Variants in VPS51 observed in about 807,000 individuals in gnomAD.
VPS51 encodes the protein vacuolar protein sorting-associated protein 51 homolog.
A neutral mutation model predicts 65.1 loss-of-function variants in VPS51; 55 were observed. The observed-to-expected ratio is 0.84, with a 90% CI of 0.68 to 1.06. The LOEUF (loss-of-function observed/expected upper bound fraction) is 1.06, where lower values mean the gene tolerates loss of function less well. Among genes scored for constraint, VPS51 ranks in the 50% least tolerant of loss-of-function variants. VPS51 has a pLI of 0.00. For synonymous variants in VPS51, 473 were observed against 489.5 expected (o/e 0.97, Z 0.44); for missense variants, 943 against 1,101.6 (o/e 0.86, Z 2.04).
intron 2 of VPS51, chr11:65,105,431 ATATGGAAAGGTTTGTATATATTT>A (rs1363970061): frequency 6.6e-6 from 1 of 151,766 alleles, no homozygotes; most frequent in Non-Finnish European, 1.5e-5. Flanking sequence ...GTGATCTACC[ATATGGAAAGGTTTGTATATATTT>A]TATGGCATTG....
In VPS51 at chr11:65,107,163, A is replaced by G. The variant is rs745350024; in HGVS notation, c.359-418A>G. ...AGGTCTGGAAAGGAGATGAGGGTCAACAAGAATGTATTGCCTCATCCAGGC... is the reference window on the plus strand; with the variant it reads ...AGGTCTGGAAAGGAGATGAGGGTCAGCAAGAATGTATTGCCTCATCCAGGC... On this transcript the variant is annotated intron_variant, in intron 2 of 9. Coordinates refer to ENST00000279281, the MANE Select transcript of VPS51 (RefSeq NM_013265.4). The surrounding 1 kb of genome is among the most constrained non-coding windows in gnomAD (Gnocchi z 4.0). The G allele has an allele frequency of 5.2e-5, 24 of 464,050 alleles. 1 individual carries two copies. Among genetic ancestry groups the G allele is most frequent in the South Asian group, 3.4e-4 (22 of 64,640 alleles). The allele number at this position is 464,050 out of a possible 1,614,324, so 28.7% of individuals were successfully genotyped here.
intron 1 of VPS51, 122 bp downstream of exon 1, chr11:65,096,600 A>G (rs1303611180): frequency 1.1e-6 from 1 of 899,630 alleles, no homozygotes. Flanking sequence ...AGGTGTTCAT[A>G]AGAGGACGAA....
At chr11:65,110,409 G>A in intron 7 of VPS51, 73 bp from the exon 8 acceptor site, 2 of 1,608,458 alleles carry the variant, frequency 1.2e-6, no homozygotes, top group Non-Finnish European at 1.7e-6. Context: ...CTGACTTAGG[G>A]CATCCTCAGC....
chr11:65,108,943 C>A, intron 5 of VPS51, 29 bp downstream of exon 5: 3 of 1,608,114 alleles, frequency 1.9e-6, no homozygotes, highest in South Asian at 1.1e-5. Context: ...GTTCCTTGTT[C>A]AACCTGCTGG....
rs111997383 is a variant in VPS51, at chr11:65,106,091, G to A, written c.359-1490G>A. Among the ~76,000 whole-genome samples, 221 of 152,270 alleles carry A rather than the reference G, an allele frequency of 1.5e-3. 2 individuals carry two copies. The highest frequency in any genetic ancestry group is 5.1e-3 in the African/African-American group (213 of 41,548). On this transcript the variant is annotated intron_variant, in intron 2 of 9. Transcript: ENST00000279281. ...TACACATTTCTGTCTTATCCTCTTC[G>A]CCTTTCTTTATGAACATTGTTGGTA...
chr11:65,104,445 CAG>C (rs948877024), intron 2 of VPS51, among the ~76,000 whole-genome samples: 33 of 152,182 alleles, frequency 2.2e-4, no homozygotes, highest in African/African-American at 7.5e-4. Context: ...TTTTGGAGGT[CAG>C]GGAAATATTT....
At chr11:65,096,741 A>G in intron 1 of VPS51, 1 of 654,176 alleles carries the variant, frequency 1.5e-6, no homozygotes, top group Non-Finnish European at 2.6e-6. Context: ...GCGTGGCCCA[A>G]GCGTTGACAG....
rs776892803 is a variant in VPS51, at chr11:65,109,817, T to C, written c.1772T>C (p.Leu591Pro). Residue 591 changes from leucine to proline, a missense_variant, in exon 7 of 10, where the codon CTG (leucine) becomes CCG (proline). By Grantham distance (98) the Leu-to-Pro change is moderately conservative. Transcript: ENST00000279281. ...KVQGLVISQM[L>P]RKSVETRDWL... ...CAGGGCCTGGTCATATCACAGATGC[T>C]GCGCAAGAGCGTGGAGACTCGCGAC... The C allele has an allele frequency of 1.2e-6, 2 of 1,610,896 alleles. No homozygotes were observed. Among genetic ancestry groups the C allele is most frequent in the South Asian group, 2.2e-5 (2 of 90,176 alleles).
At chr11:65,109,042 T>TG in intron 5 of VPS51, 128 bp downstream of exon 5, 3 of 1,225,528 alleles carry the variant, frequency 2.4e-6, no homozygotes, top group Non-Finnish European at 3.5e-6. Context: ...ATGCACGGTC[T>TG]GGGGGGTGGG....
intron 2 of VPS51, among the ~76,000 whole-genome samples, chr11:65,104,319 G>A (rs2137185663): frequency 6.6e-6 from 1 of 152,294 alleles, no homozygotes; most frequent in South Asian, 2.1e-4. Context: ...GACTCTAGCT[G>A]AGTTGGCTAA....
Position 65,107,724 on chromosome 11 carries a change from GC to G in VPS51, c.503del (p.Ala168GlufsTer117). 1.2e-6 allele frequency: 2 copies of G among 1,607,338 alleles called. No homozygotes were observed. Among genetic ancestry groups the G allele is most frequent in the Non-Finnish European group, 1.7e-6 (2 of 1,176,206 alleles). ...QDRHERITKLAGVHALLRKLQ... is the reference protein window; with the variant it reads ...QDRHERITKLXGVHALLRKLQ... ...CCGCCACGAGCGCATCACCAAGCTG[GC>G]AGGTGGGCGCTGCCGGGCAGGGCCT... is the stretch of plus-strand genomic sequence containing the variant. On this transcript the variant is annotated frameshift_variant and splice_region_variant, in exon 3 of 10. Transcript: ENST00000279281. LOFTEE classifies it high-confidence loss of function. The surrounding 1 kb of genome is among the most constrained non-coding windows in gnomAD (Gnocchi z 4.0).
intron 2 of VPS51, among the ~76,000 whole-genome samples, chr11:65,105,778 G>C (rs979477138): frequency 1.3e-5 from 2 of 152,242 alleles, no homozygotes; most frequent in African/African-American, 4.8e-5. Context: ...ACTGGCTCCA[G>C]GTAGGGGTTT....
In VPS51 at chr11:65,107,697, G is replaced by A. The variant is rs373727258; in HGVS notation, c.475G>A (p.Asp159Asn). 2.5e-6 allele frequency: 4 copies of A among 1,609,908 alleles called. No homozygotes were observed. Among genetic ancestry groups the A allele is most frequent in the Non-Finnish European group, 3.4e-6 (4 of 1,177,714 alleles). ...CGCTCGCATCAGCGCCACGCTGCAG[G>A]ACCGCCACGAGCGCATCACCAAGCT... ...FSARISATLQ[D>N]RHERITKLAG... The change falls in exon 3 of 10, where the codon GAC becomes AAC. Residue 159 changes from aspartate to asparagine, a missense_variant. Physicochemically the swap from Asp to Asn is conservative, Grantham distance 23 (BLOSUM62 1). This residue lies in a region of VPS51 where 855 missense variants were observed against 953.7 expected (regional missense o/e 0.90). Coordinates refer to ENST00000279281, the MANE Select transcript of VPS51 (RefSeq NM_013265.4). The surrounding 1 kb of genome is among the most constrained non-coding windows in gnomAD (Gnocchi z 4.0).
intron 7 of VPS51, chr11:65,110,281 A>G (rs1947884093): frequency 4.4e-6 from 4 of 907,700 alleles, no homozygotes; most frequent in Middle Eastern, 7.0e-4. Flanking sequence ...TAGACCTCAG[A>G]CCAACTCTTG....
intron 6 of VPS51, 104 bp from the exon 7 acceptor site, chr11:65,109,601 C>G (rs1947874435): frequency 6.6e-7 from 1 of 1,517,830 alleles, no homozygotes; most frequent in South Asian, 1.3e-5. Flanking sequence ...TGTGTGTACC[C>G]CAGCCTCCAC....
chr11:65,106,551 A>T (rs1379104883), intron 2 of VPS51, among the ~76,000 whole-genome samples: 1 of 152,174 alleles, frequency 6.6e-6, no homozygotes, highest in East Asian at 1.9e-4. Flanking sequence ...GGAGATCAAG[A>T]CCATCCTGGC....
At position 65,096,490 on chromosome 11, in the gene VPS51, CGGGGAGTGGG is replaced by C. The variant is rs1565307477; in HGVS notation, c.228+17_228+26del. 2 of 487,918 alleles carry C rather than the reference CGGGGAGTGGG, an allele frequency of 4.1e-6. No individual in the cohort carries two copies. Among genetic ancestry groups the C allele is most frequent in the South Asian group, 2.6e-5 (1 of 38,378 alleles). The allele number at this position is 487,918 out of a possible 1,614,324, so 30.2% of individuals were successfully genotyped here. A position where few individuals can be genotyped will look rare whatever the true frequency, so the allele number is the denominator to read the frequency against. The stretch of plus-strand genomic sequence containing the variant: ...TTTACCTAGACAAGGTGTGTGCGCA[CGGGGAGTGGG>C]GGGGTGCGGGGAGGGGGGAAGGGAA... On this transcript the variant is annotated intron_variant, in intron 1 of 9. Transcript: ENST00000279281.
rs1456883207 is a variant in VPS51 at position 65,108,659 on chromosome 11, G to A, written c.1188G>A (p.Thr396=). The A allele has an allele frequency of 2.6e-6, 4 of 1,563,674 alleles. No homozygotes were observed. Among genetic ancestry groups the A allele is most frequent in the South Asian group, 1.1e-5 (1 of 87,710 alleles). Residue 396 remains threonine, a synonymous_variant, in exon 5 of 10, where the codon ACG becomes ACA. Transcript: ENST00000279281. ...CTGCCGGGCTCGCAGACGCTGCCAC[G>A]GAGATCGTGGAACGAGTGGCCCGCG... The part of the protein sequence containing the change: ...LAAAGLADAA[T]EIVERVARER...
chr11:65,105,495 A>G (rs575487578), intron 2 of VPS51: 22 of 152,152 alleles, frequency 1.4e-4, no homozygotes, highest in African/African-American at 5.3e-4. Flanking sequence ...TGTGCTTCCT[A>G]TGCTCTCACA....
Sources: gnomAD v4.1 joint callset for allele counts (sites outside exome capture counted in the v4.1 genomes callset) on GRCh38, gnomAD v4.1.1 for gene constraint, gnomAD v4.1.1 regional missense constraint, Gnocchi (gnomAD v3.1) non-coding constraint, MANE v1.5 for transcripts, NCBI Gene and HGNC (gene_info 2026-07-23, HGNC 2026-07-21) for gene names.